KANSL1: variants seen among roughly 807,000 people sequenced by gnomAD.
The protein encoded by KANSL1 is MLL1/MLL complex subunit KANSL1.
Under a neutral mutation model 103.6 loss-of-function variants are expected in KANSL1, and 22 were observed. The ratio of observed to expected loss-of-function variants is 0.21; its 90% CI spans 0.15 to 0.30. The LOEUF (loss-of-function observed/expected upper bound fraction) is 0.30. Ranked by LOEUF, KANSL1 falls within the 10% of genes least tolerant of loss-of-function variation. The probability of loss-of-function intolerance (pLI) is 1.00; values close to 1 mark genes in which losing one functional copy is unlikely to be tolerated. For missense variants in KANSL1, 1,337 were observed against 1,399.8 expected (o/e 0.96, Z 0.72); for synonymous variants, 600 against 527.6 (o/e 1.14, Z -1.88).
At chr17:46,071,414 A>T (rs2078573160) in intron 4 of KANSL1, among the ~76,000 whole-genome samples, 1 of 152,212 alleles carries the variant, frequency 6.6e-6, no homozygotes, top group Non-Finnish European at 1.5e-5. Flanking sequence ...CCCATCATCA[A>T]TGCAAAGAGC....
intron 5 of KANSL1, 83 bp from the exon 6 acceptor site, chr17:46,066,815 G>A: frequency 9.9e-7 from 1 of 1,009,068 alleles, no homozygotes; most frequent in Non-Finnish European, 1.4e-6. Context: ...AAGAAACAAA[G>A]CCTCTTATAC....
At chr17:46,131,026 C>T (rs2043838774) in intron 2 of KANSL1, among the ~76,000 whole-genome samples, 1 of 152,230 alleles carries the variant, frequency 6.6e-6, no homozygotes, top group Non-Finnish European at 1.5e-5. Context: ...TTTTCAATTA[C>T]ACTTTGAAAC....
chr17:46,129,916 T>A (rs2043764647), intron 2 of KANSL1, among the ~76,000 whole-genome samples: 1 of 152,110 alleles, frequency 6.6e-6, no homozygotes, highest in Admixed American at 6.5e-5. Context: ...CTGGGCACAG[T>A]GGCTCACACC....
At chr17:46,039,635 T>C (rs1475446787) in intron 8 of KANSL1, 67 bp downstream of exon 8, 15 of 1,528,032 alleles carry the variant, frequency 9.8e-6, no homozygotes, top group East Asian at 4.6e-5. Flanking sequence ...AACTACAAAT[T>C]TGAGAATATA....
intron 2 of KANSL1, among the ~76,000 whole-genome samples, chr17:46,131,794 A>ACAC (rs1294840817): frequency 1.3e-5 from 2 of 152,166 alleles, no homozygotes. Flanking sequence ...ATAGATAGCA[A>ACAC]CACCACCACC....
chr17:46,123,447 G>A (rs2043374801), intron 2 of KANSL1, among the ~76,000 whole-genome samples: 1 of 152,228 alleles, frequency 6.6e-6, no homozygotes, highest in African/African-American at 2.4e-5. Context: ...TATGTTGAAA[G>A]CCAACATAGG....
At chr17:46,168,160 C>G (rs1184012944) in intron 2 of KANSL1, among the ~76,000 whole-genome samples, 1 of 152,184 alleles carries the variant, frequency 6.6e-6, no homozygotes, top group Admixed American at 6.5e-5. Context: ...ACAACTTTTT[C>G]TTCTTCTTTT....
chr17:46,082,799 CA>C (rs1340312434), intron 3 of KANSL1, among the ~76,000 whole-genome samples: 1 of 152,090 alleles, frequency 6.6e-6, no homozygotes, highest in African/African-American at 2.4e-5. Flanking sequence ...CATCTTTATT[CA>C]TATCTTTCAG....
intron 1 of KANSL1, among the ~76,000 whole-genome samples, chr17:46,200,038 T>TACACACAC (rs143234563): frequency 0.07 from 10,252 of 147,258 alleles, 4 homozygotes; most frequent in Middle Eastern, 0.14. Context: ...TCAATGAGTT[T>TACACACAC]ACACACACAC....
chr17:46,191,331 A>C (rs1852633), intron 1 of KANSL1, among the ~76,000 whole-genome samples: 17,125 of 150,198 alleles, frequency 0.11, no homozygotes, highest in Non-Finnish European at 0.17. Flanking sequence ...AATAGTTTTA[A>C]CTGACAACGC....
chr17:46,167,164 T>C (rs1331055166), intron 2 of KANSL1, among the ~76,000 whole-genome samples: 2 of 151,858 alleles, frequency 1.3e-5, no homozygotes, highest in Non-Finnish European at 2.9e-5. Flanking sequence ...AAAAATATTA[T>C]TTTAACAAGT....
intron 1 of KANSL1, among the ~76,000 whole-genome samples, chr17:46,179,281 G>A (rs550189615): frequency 6.6e-6 from 1 of 152,164 alleles, no homozygotes; most frequent in African/African-American, 2.4e-5. Context: ...TTCAAATACT[G>A]TAAGTCAGAA....
At chr17:46,152,587 G>T (rs1014376328) in intron 2 of KANSL1, among the ~76,000 whole-genome samples, 1 of 145,466 alleles carries the variant, frequency 6.9e-6, no homozygotes, top group African/African-American at 2.5e-5. Flanking sequence ...CACAAAGGGG[G>T]GGGGGGGATT....
chr17:46,166,538 TG>T (rs1302559857), intron 2 of KANSL1, among the ~76,000 whole-genome samples: 8 of 150,006 alleles, frequency 5.3e-5, no homozygotes, highest in African/African-American at 2.0e-4. Flanking sequence ...TTCCTGAGGG[TG>T]AGAAAACTCA....
At chr17:46,210,096 A>G (rs2048107454) in intron 1 of KANSL1, among the ~76,000 whole-genome samples, 1 of 152,272 alleles carries the variant, frequency 6.6e-6, no homozygotes, top group African/African-American at 2.4e-5. Flanking sequence ...ACATATCAGC[A>G]TGAATAACCT....
At chr17:46,125,201 C>A (rs1421279798) in intron 2 of KANSL1, among the ~76,000 whole-genome samples, 1 of 152,116 alleles carries the variant, frequency 6.6e-6, no homozygotes, top group Non-Finnish European at 1.5e-5. Flanking sequence ...GGAGATAGGA[C>A]CTTCCACCAG....
intron 2 of KANSL1, among the ~76,000 whole-genome samples, chr17:46,158,660 C>T (rs1269033958): frequency 1.3e-5 from 2 of 152,346 alleles, no homozygotes; most frequent in South Asian, 2.1e-4. Flanking sequence ...CCTGCCTCAG[C>T]GTCCCGAGTA....
intron 4 of KANSL1, among the ~76,000 whole-genome samples, chr17:46,081,344 A>G (rs1294432013): frequency 6.6e-6 from 1 of 152,176 alleles, no homozygotes; most frequent in Non-Finnish European, 1.5e-5. Context: ...AACAATTTTT[A>G]CCCTGATTAG....
chr17:46,218,830 T>C (rs1302981647), intron 1 of KANSL1, among the ~76,000 whole-genome samples: 1 of 152,090 alleles, frequency 6.6e-6, no homozygotes, highest in Admixed American at 6.6e-5. Context: ...AGTAGTCCAC[T>C]GAACCAAACA....
Sources: allele counts gnomAD v4.1 joint callset (sites outside exome capture counted in the v4.1 genomes callset), GRCh38; gene constraint gnomAD v4.1.1; transcripts MANE v1.5; gene names NCBI Gene and HGNC (gene_info 2026-07-23, HGNC 2026-07-21).